The following UBASH3A variants were observed in gnomAD, a reference collection of about 807,000 sequenced individuals.
The protein encoded by UBASH3A is ubiquitin-associated and SH3 domain-containing protein A.
A neutral mutation model predicts 73.5 loss-of-function variants in UBASH3A; 63 were observed. The ratio of observed to expected loss-of-function variants is 0.86; its 90% CI spans 0.70 to 1.06. The LOEUF is 1.06. Among genes scored for constraint, UBASH3A ranks in the 50% least tolerant of loss-of-function variants. The pLI is 0.00. For missense variants in UBASH3A, 860 were observed against 859.0 expected (o/e 1.00, Z -0.02); for synonymous variants, 363 against 351.1 (o/e 1.03, Z -0.38).
intron 7 of UBASH3A, among the ~76,000 whole-genome samples, chr21:42,423,240 A>G (rs2053372886): frequency 6.6e-6 from 1 of 152,252 alleles, no homozygotes; most frequent in Non-Finnish European, 1.5e-5. Context: ...CGTGCAGACC[A>G]GCGGTTCAGG....
chr21:42,412,860 A>T (rs1054118338), intron 3 of UBASH3A, among the ~76,000 whole-genome samples, 164 bp from the exon 4 acceptor site: 1 of 152,368 alleles, frequency 6.6e-6, no homozygotes, highest in Middle Eastern at 3.4e-3. Context: ...CAGGTATAGA[A>T]CAAATCCATA....
chr21:42,432,581 A>G (rs1433890865), intron 9 of UBASH3A, among the ~76,000 whole-genome samples: 2 of 152,222 alleles, frequency 1.3e-5, no homozygotes, highest in Non-Finnish European at 2.9e-5. Flanking sequence ...TTGATGATCA[A>G]TGTCCACATC....
At chr21:42,433,320 C>G (rs972737827) in intron 9 of UBASH3A, among the ~76,000 whole-genome samples, 11 of 152,138 alleles carry the variant, frequency 7.2e-5, no homozygotes, top group Non-Finnish European at 1.6e-4. Flanking sequence ...CACGTCCTCC[C>G]CCAAGGTGAC....
intron 11 of UBASH3A, among the ~76,000 whole-genome samples, chr21:42,441,712 G>C (rs1271199883): frequency 6.6e-6 from 1 of 151,894 alleles, no homozygotes; most frequent in African/African-American, 2.4e-5. Flanking sequence ...GAGAACTTGG[G>C]GGCCTGATTA....
Position 42,447,354 on chromosome 21 carries a change from T to C in UBASH3A, c.*160T>C, listed in dbSNP as rs919856494. On this transcript the variant is annotated 3_prime_UTR_variant, in exon 15 of 15. Transcript: ENST00000319294. ...TATCCCGGAATATTTCCCTCCGGCT[T>C]TCGCCTTTGTAACTCCCATCTGTGG... is the stretch of plus-strand genomic sequence containing the variant. 5.1e-6 allele frequency: 4 copies of C among 786,606 alleles called. No homozygotes were observed. Among genetic ancestry groups the C allele is most frequent in the Non-Finnish European group, 7.7e-6 (4 of 516,628 alleles). 48.7% of individuals were successfully genotyped at this position (786,606 alleles called of 1,614,324 possible).
rs568355429 is a variant in UBASH3A at position 42,446,401 on chromosome 21, G to A, written c.1849-656G>A. ...CCCCTCGCCCACAGCCTCTGCAAGC[G>A]TGAGGAAAGAATCACCCTAGGGTCA... is the stretch of plus-strand genomic sequence containing the variant. On this transcript the variant is annotated intron_variant, in intron 14 of 14. Transcript: ENST00000319294. Among the ~76,000 whole-genome samples the A allele has an allele frequency of 9.9e-5, 15 of 152,268 alleles. No individual in the cohort carries two copies. The East Asian group carries it at 1.2e-3, about 12-fold the overall frequency.
chr21:42,434,765 G>T, intron 9 of UBASH3A, 67 bp from the exon 10 acceptor site: 1 of 1,534,248 alleles, frequency 6.5e-7, no homozygotes, highest in Non-Finnish European at 8.8e-7. Flanking sequence ...TTGGTCTTGG[G>T]AGTTTTGTGG....
intron 3 of UBASH3A, 65 bp from the exon 4 acceptor site, chr21:42,412,959 A>C (rs1289101924): frequency 2.2e-6 from 3 of 1,336,194 alleles, no homozygotes; most frequent in Non-Finnish European, 3.2e-6. Context: ...ATTGTTATTA[A>C]TTAAATTAAT....
intron 3 of UBASH3A, chr21:42,410,001 C>G: frequency 1.4e-6 from 1 of 689,806 alleles, no homozygotes; most frequent in Non-Finnish European, 2.7e-6. Flanking sequence ...TTTGCACCCC[C>G]AGAAACTAGC....
chr21:42,412,092 G>A (rs773455630), intron 3 of UBASH3A, among the ~76,000 whole-genome samples: 3 of 152,220 alleles, frequency 2.0e-5, no homozygotes, highest in Admixed American at 2.0e-4. Context: ...GTGGTGTCTG[G>A]GTTTCCCCTG....
rs2146485105 is a variant in UBASH3A, at chr21:42,406,332, G to A, written c.138G>A (p.Gly46=). 6.2e-7 allele frequency: 1 copy of A among 1,614,146 alleles called. No individual in the cohort carries two copies. Among genetic ancestry groups the A allele is most frequent in the South Asian group, 1.1e-5 (1 of 91,076 alleles). ...HTALKALAAT[G]RKTAEEALAW... ...GGCTGAAAGCGTTGGCAGCCACGGG[G>A]AGGAAGACGGCGGAGGAGGCCTTGG... Residue 46 remains glycine, a synonymous_variant, in exon 2 of 15, where the codon GGG becomes GGA. Coordinates refer to ENST00000319294, the MANE Select transcript of UBASH3A (RefSeq NM_018961.4).
intron 1 of UBASH3A, 127 bp downstream of exon 1, chr21:42,404,185 G>T: frequency 2.2e-6 from 1 of 445,548 alleles, no homozygotes. Flanking sequence ...ACCTTGCAGG[G>T]TAAGACACTG....
intron 3 of UBASH3A, chr21:42,410,687 G>C (rs1396466320): frequency 6.4e-6 from 1 of 156,634 alleles, no homozygotes; most frequent in Non-Finnish European, 1.4e-5. Context: ...AGCCAACGGG[G>C]AAAGGCAAGG....
intron 8 of UBASH3A, among the ~76,000 whole-genome samples, chr21:42,428,540 T>C (rs17114891): frequency 0.034 from 5,207 of 152,250 alleles, 100 homozygotes; most frequent in Non-Finnish European, 0.04. Context: ...ATTGAGCTAG[T>C]ACCATGGATT....
At position 42,444,583 on chromosome 21, in the gene UBASH3A, G is replaced by T; in HGVS notation, c.1788G>T (p.Thr596=). 5.0e-6 allele frequency: 8 copies of T among 1,614,130 alleles called. No individual in the cohort carries two copies. The highest frequency in any genetic ancestry group is 6.8e-6 in the Non-Finnish European group (8 of 1,180,042). The change falls in exon 14 of 15, where the codon ACG becomes ACT. Residue 596 remains threonine (T), a synonymous_variant. Transcript: ENST00000319294. Reference sequence around the variant, plus strand: ...ACGGCTCCACTCTGGACTCCTGCACGCGGCCACTGCTCGGGCTGCCGCCCC... The same window carrying T: ...ACGGCTCCACTCTGGACTCCTGCACTCGGCCACTGCTCGGGCTGCCGCCCC... ...VSHGSTLDSC[T]RPLLGLPPRE... is the part of the protein sequence containing the mutation.
In UBASH3A at chr21:42,404,069, C is replaced by T; in HGVS notation, c.113+11C>T. 7.0e-7 allele frequency: 1 copy of T among 1,433,606 alleles called. No homozygotes were observed. Among genetic ancestry groups the T allele is most frequent in the South Asian group, 1.4e-5 (1 of 69,578 alleles). The allele number at this position is 1,433,606 out of a possible 1,614,324, so 88.8% of individuals were successfully genotyped here. A position where few individuals can be genotyped will look rare whatever the true frequency, so the allele number is the denominator to read the frequency against. ...CCCGGTGCACACCGCGTGAGTACTG[C>T]CCAGAGACCCCGGGGCCCAGCCAGT... is the stretch of plus-strand genomic sequence containing the variant. On this transcript the variant is annotated intron_variant, in intron 1 of 14. Transcript: ENST00000319294.
chr21:42,413,455 A>G lies in UBASH3A; in HGVS notation c.599A>G (p.His200Arg), dbSNP rs1397526233. 5 of 1,614,044 alleles carry G rather than the reference A, an allele frequency of 3.1e-6. No individual in the cohort carries two copies. Among genetic ancestry groups the G allele is most frequent in the Admixed American group, 1.7e-5 (1 of 60,002 alleles). Residue 200 changes from histidine (H) to arginine (R), a missense_variant, in exon 5 of 15, where the codon CAT (histidine) becomes CGT (arginine). His to Arg is a conservative substitution (Grantham distance 29). Coordinates refer to ENST00000319294, the MANE Select transcript of UBASH3A (RefSeq NM_018961.4). This position sits in a 1 kb window ranked among gnomAD's most constrained non-coding sequence, Gnocchi z 4.5. ...TGGATTTTCAGCCAGGTGCCTGGAC[A>G]TGGCCCTAACCTGAGGCTGAGCAAT... ...RFWIFSQVPGHGPNLRLSNLT... is the reference protein window; with the variant it reads ...RFWIFSQVPGRGPNLRLSNLT...
At chr21:42,438,364 G>A (rs1649325306) in intron 11 of UBASH3A, among the ~76,000 whole-genome samples, 1 of 152,208 alleles carries the variant, frequency 6.6e-6, no homozygotes, top group East Asian at 1.9e-4. Context: ...GGCAGGGACT[G>A]TGGGAAGTTT....
intron 3 of UBASH3A, among the ~76,000 whole-genome samples, chr21:42,412,123 C>T (rs150541493): frequency 1.3e-5 from 2 of 152,324 alleles, no homozygotes; most frequent in Non-Finnish European, 2.9e-5. Context: ...TGGCCAATGG[C>T]ACTGGGAAGG....
Sources: gnomAD v4.1 joint callset for allele counts (sites outside exome capture counted in the v4.1 genomes callset) on GRCh38, gnomAD v4.1.1 for gene constraint, Gnocchi (gnomAD v3.1) non-coding constraint, MANE v1.5 for transcripts, NCBI Gene and HGNC (gene_info 2026-07-23, HGNC 2026-07-21) for gene names.